The following VAV3 variants were observed in gnomAD, a reference collection of about 807,000 sequenced individuals.
VAV3 encodes the protein guanine nucleotide exchange factor VAV3.
Under a neutral mutation model 131.2 loss-of-function variants are expected in VAV3, and 94 were observed. The observed-to-expected ratio is 0.72, with a 90% CI of 0.61 to 0.85. VAV3 has a LOEUF of 0.85. Among genes scored for constraint, VAV3 ranks in the 40% least tolerant of loss-of-function variants. The probability of loss-of-function intolerance (pLI) is 0.00; values close to 1 mark genes in which losing one functional copy is unlikely to be tolerated. For synonymous variants in VAV3, 349 were observed against 342.0 expected (o/e 1.02, Z -0.22); for missense variants, 939 against 1,002.7 (o/e 0.94, Z 0.86).
chr1:107,945,932 G>A (rs1042942183), intron 1 of VAV3, among the ~76,000 whole-genome samples: 8 of 151,890 alleles, frequency 5.3e-5, no homozygotes, highest in African/African-American at 1.5e-4. Flanking sequence ...AAAGAAAATG[G>A]CAAGTTCCAA....
chr1:107,571,814 C>T lies in VAV3; in HGVS notation c.*1517G>A, dbSNP rs1051577275. 38 of 152,596 alleles carry T rather than the reference C, an allele frequency of 2.5e-4. No individual in the cohort carries two copies. Among genetic ancestry groups the T allele is most frequent in the African/African-American group, 9.2e-4 (38 of 41,444 alleles). 9.5% of individuals were successfully genotyped at this position (152,596 alleles called of 1,614,324 possible). ...TTGAATCTATCCTAGATGAAAAGTCCTAGCCCATGAGGGTCTCTAACAGGG... is the reference window on the plus strand; with the variant it reads ...TTGAATCTATCCTAGATGAAAAGTCTTAGCCCATGAGGGTCTCTAACAGGG... On this transcript the variant is annotated 3_prime_UTR_variant, in exon 27 of 27. Transcript: ENST00000370056.
At chr1:107,870,412 T>A (rs1304989037) in intron 2 of VAV3, among the ~76,000 whole-genome samples, 1 of 152,172 alleles carries the variant, frequency 6.6e-6, no homozygotes, top group East Asian at 1.9e-4. Context: ...TTTTCATATG[T>A]TTGTTGGCCA....
At chr1:107,636,365 T>G (rs563753849) in intron 20 of VAV3, among the ~76,000 whole-genome samples, 1 of 152,320 alleles carries the variant, frequency 6.6e-6, no homozygotes, top group East Asian at 1.9e-4. Flanking sequence ...ATTAATGTAT[T>G]CCTAAGCAAT....
At chr1:107,853,323 T>A (rs1338257480) in intron 2 of VAV3, among the ~76,000 whole-genome samples, 1 of 152,144 alleles carries the variant, frequency 6.6e-6, no homozygotes, top group Admixed American at 6.6e-5. Flanking sequence ...TTAAATGCAA[T>A]CATCTATGCT....
intron 20 of VAV3, among the ~76,000 whole-genome samples, chr1:107,619,822 G>T (rs1247465143): frequency 6.6e-6 from 1 of 152,142 alleles, no homozygotes; most frequent in Non-Finnish European, 1.5e-5. Flanking sequence ...AGGAGAATAA[G>T]TGACATTTTG....
chr1:107,765,907 G>T (rs1041429301), intron 8 of VAV3, among the ~76,000 whole-genome samples: 1 of 152,172 alleles, frequency 6.6e-6, no homozygotes, highest in Non-Finnish European at 1.5e-5. Context: ...GATTTGAAAA[G>T]AGAGATAATT....
intron 22 of VAV3, among the ~76,000 whole-genome samples, chr1:107,607,282 C>A (rs1426569836): frequency 1.3e-5 from 2 of 152,124 alleles, no homozygotes; most frequent in Non-Finnish European, 2.9e-5. Flanking sequence ...AACCTGAAGA[C>A]TGAGCTGGGA....
At chr1:107,798,677 C>G (rs1376603775) in intron 2 of VAV3, among the ~76,000 whole-genome samples, 1 of 142,552 alleles carries the variant, frequency 7.0e-6, no homozygotes, top group East Asian at 2.0e-4. Context: ...CGAGATCACG[C>G]CACTGCACTC....
chr1:107,736,052 C>A (rs1302893276), intron 15 of VAV3, among the ~76,000 whole-genome samples: 3 of 152,048 alleles, frequency 2.0e-5, no homozygotes, highest in African/African-American at 7.2e-5. Flanking sequence ...GCTGGTTCAA[C>A]ATATGCAAAT....
At chr1:107,693,860 G>A (rs1395634320) in intron 17 of VAV3, among the ~76,000 whole-genome samples, 1 of 152,128 alleles carries the variant, frequency 6.6e-6, no homozygotes, top group African/African-American at 2.4e-5. Flanking sequence ...ACATTGCCCA[G>A]CTTCCCTTGC....
chr1:107,824,520 C>G (rs899943333), intron 2 of VAV3, among the ~76,000 whole-genome samples: 9 of 152,140 alleles, frequency 5.9e-5, no homozygotes, highest in African/African-American at 1.4e-4. Context: ...ATACGGCCAG[C>G]CTTCTGAGGA....
At chr1:107,822,766 T>C (rs1024591264) in intron 2 of VAV3, among the ~76,000 whole-genome samples, 1 of 152,246 alleles carries the variant, frequency 6.6e-6, no homozygotes, top group South Asian at 2.1e-4. Flanking sequence ...CAAAAGATGA[T>C]GTTGGCATGA....
intron 25 of VAV3, among the ~76,000 whole-genome samples, chr1:107,581,199 G>A (rs185276248): frequency 3.9e-5 from 6 of 152,264 alleles, no homozygotes; most frequent in African/African-American, 7.2e-5. Flanking sequence ...TGGATGCTTC[G>A]TTTAACGGCA....
chr1:107,575,000 TGCGCGC>T (rs1219875000), intron 25 of VAV3, among the ~76,000 whole-genome samples: 14 of 103,924 alleles, frequency 1.3e-4, no homozygotes, highest in East Asian at 3.5e-4. Flanking sequence ...TGTGCGTGCG[TGCGCGC>T]GCGCGCGCGC....
rs78704184 is a variant in VAV3, at chr1:107,794,018, G to A, written c.322-14526C>T. Among the ~76,000 whole-genome samples, 1,191 of 152,358 alleles carry A rather than the reference G, an allele frequency of 7.8e-3. 10 individuals carry two copies. The highest frequency in any genetic ancestry group is 0.015 in the East Asian group (79 of 5,180). ...TCTGATCTGACTCTAGTTAATTACT[G>A]CGCAGAAGGCGCTTCACAGGGAGGA... is the stretch of plus-strand genomic sequence containing the variant. On this transcript the variant is annotated intron_variant, in intron 2 of 26. Transcript: ENST00000370056.
At chr1:107,805,927 A>G (rs1667038703) in intron 2 of VAV3, among the ~76,000 whole-genome samples, 1 of 152,136 alleles carries the variant, frequency 6.6e-6, no homozygotes, top group African/African-American at 2.4e-5. Context: ...ACTAGTCCCA[A>G]ATGAGGGAGG....
At chr1:107,662,288 T>C (rs1044622999) in intron 19 of VAV3, among the ~76,000 whole-genome samples, 1 of 152,146 alleles carries the variant, frequency 6.6e-6, no homozygotes, top group South Asian at 2.1e-4. Context: ...ACAAATTGTT[T>C]TTATAAAAAA....
intron 2 of VAV3, among the ~76,000 whole-genome samples, chr1:107,819,102 C>G (rs1239694801): frequency 6.6e-6 from 1 of 152,106 alleles, no homozygotes; most frequent in Non-Finnish European, 1.5e-5. Flanking sequence ...ACCTTTCATA[C>G]AGGGCTCCAG....
chr1:107,623,443 A>G (rs1180536377), intron 20 of VAV3, among the ~76,000 whole-genome samples: 1 of 152,152 alleles, frequency 6.6e-6, no homozygotes, highest in Non-Finnish European at 1.5e-5. Context: ...GTCTAATCCT[A>G]TGTACAATCC....
Sources: allele counts gnomAD v4.1 joint callset (sites outside exome capture counted in the v4.1 genomes callset), GRCh38; gene constraint gnomAD v4.1.1; transcripts MANE v1.5; gene names NCBI Gene and HGNC (gene_info 2026-07-23, HGNC 2026-07-21).